CAPZB: variants seen among roughly 807,000 people sequenced by gnomAD.
CAPZB encodes the protein capping actin protein of muscle Z-line subunit beta, also known as F-actin-capping protein subunit beta.
CAPZB carries 2 observed loss-of-function variants against 38.1 expected under a neutral mutation model. The ratio of observed to expected loss-of-function variants is 0.05; its 90% CI spans 0.02 to 0.17. CAPZB has a LOEUF of 0.17. Ranked by LOEUF, CAPZB falls within the 10% of genes least tolerant of loss-of-function variation. The pLI is 1.00. For synonymous variants in CAPZB, 107 were observed against 127.4 expected, an observed-to-expected ratio of 0.84 and a Z score of 1.08; for missense variants, 161 against 334.2, an observed-to-expected ratio of 0.48 and a Z score of 4.04.
At chr1:19,385,067 C>G (rs974159930) in intron 3 of CAPZB, among the ~76,000 whole-genome samples, 2 of 152,168 alleles carry the variant, frequency 1.3e-5, no homozygotes, top group African/African-American at 4.8e-5. Flanking sequence ...AGTTGTGTAT[C>G]TGACAGAGCT....
chr1:19,350,454 G>A (rs1569896903), intron 6 of CAPZB, among the ~76,000 whole-genome samples: 1 of 152,264 alleles, frequency 6.6e-6, no homozygotes, highest in Non-Finnish European at 1.5e-5. Context: ...ACTGTGCTGT[G>A]GGTTGGAGGT....
At chr1:19,366,181 T>G (rs1041930959) in intron 4 of CAPZB, among the ~76,000 whole-genome samples, 2 of 148,956 alleles carry the variant, frequency 1.3e-5, no homozygotes, top group African/African-American at 5.0e-5. Context: ...GCATGGTGGC[T>G]CACGCCTATA....
At position 19,356,557 on chromosome 1, in the gene CAPZB, G is replaced by T; in HGVS notation, c.588+78C>A. 1.1e-6 allele frequency: 1 copy of T among 906,038 alleles called. No homozygotes were observed. The highest frequency in any genetic ancestry group is 1.9e-6 in the Non-Finnish European group (1 of 534,452). The allele number at this position is 906,038 out of a possible 1,614,324, so 56.1% of individuals were successfully genotyped here. A position where few individuals can be genotyped will look rare whatever the true frequency, so the allele number is the denominator to read the frequency against. ...CATGCTTACCCTAAATGGGGCACCT[G>T]CTCACTCATCTCTGCAGGTCAGCAC... On this transcript the variant is annotated intron_variant, in intron 6 of 8. Coordinates refer to ENST00000264202, the MANE Select transcript of CAPZB (RefSeq NM_004930.5). This position sits in a 1 kb window ranked among gnomAD's most constrained non-coding sequence, Gnocchi z 4.3.
At chr1:19,412,357 A>G (rs1022855648) in intron 2 of CAPZB, among the ~76,000 whole-genome samples, 8 of 152,190 alleles carry the variant, frequency 5.3e-5, no homozygotes, top group African/African-American at 1.9e-4. Flanking sequence ...CACCCTTAAC[A>G]TAAACCCACG....
chr1:19,457,098 T>C (rs371936008), intron 1 of CAPZB, among the ~76,000 whole-genome samples: 1 of 152,172 alleles, frequency 6.6e-6, no homozygotes, highest in East Asian at 1.9e-4. Flanking sequence ...CCAAGTCTTG[T>C]TGGAACTAAA....
intron 2 of CAPZB, among the ~76,000 whole-genome samples, chr1:19,396,204 C>A (rs1040301310): frequency 6.6e-6 from 1 of 152,190 alleles, no homozygotes; most frequent in Non-Finnish European, 1.5e-5. Context: ...GCTGTCTGGA[C>A]GGCCTCATGC....
chr1:19,422,065 T>C (rs2094403354), intron 1 of CAPZB, among the ~76,000 whole-genome samples: 1 of 151,888 alleles, frequency 6.6e-6, no homozygotes, highest in African/African-American at 2.4e-5. Flanking sequence ...CAAGCAAGAA[T>C]AGAAAACCCT....
intron 2 of CAPZB, among the ~76,000 whole-genome samples, chr1:19,412,873 G>A (rs1376336851): frequency 6.6e-6 from 1 of 152,194 alleles, no homozygotes; most frequent in African/African-American, 2.4e-5. Context: ...AAGCACAGCT[G>A]CCAGTTATCC....
chr1:19,369,795 C>T (rs2094110450), intron 4 of CAPZB, among the ~76,000 whole-genome samples: 1 of 152,222 alleles, frequency 6.6e-6, no homozygotes, highest in African/African-American at 2.4e-5. Flanking sequence ...CCTGCAGCTC[C>T]AGGATGTTCT....
chr1:19,470,122 G>A (rs1470879325), intron 1 of CAPZB, among the ~76,000 whole-genome samples: 2 of 152,180 alleles, frequency 1.3e-5, no homozygotes, highest in African/African-American at 2.4e-5. Context: ...GGGAGGCTGA[G>A]GCAAGAGGAC....
chr1:19,484,376 C>T, intron 1 of CAPZB: 1 of 1,538,758 alleles, frequency 6.5e-7, no homozygotes, highest in Non-Finnish European at 8.7e-7. Flanking sequence ...CTGTGGGCCA[C>T]CCATCCTCGC....
intron 1 of CAPZB, among the ~76,000 whole-genome samples, chr1:19,442,551 C>T (rs1242834604): frequency 6.6e-6 from 1 of 152,172 alleles, no homozygotes; most frequent in African/African-American, 2.4e-5. Flanking sequence ...TAGGCTCTTG[C>T]AAGCTTTAAG....
chr1:19,360,784 G>A (rs938420632), intron 4 of CAPZB, among the ~76,000 whole-genome samples: 1 of 152,198 alleles, frequency 6.6e-6, no homozygotes, highest in Non-Finnish European at 1.5e-5. Flanking sequence ...TCCTTGGCGG[G>A]CCACGGTGAC....
intron 1 of CAPZB, among the ~76,000 whole-genome samples, chr1:19,453,300 C>T (rs1289165578): frequency 6.6e-6 from 1 of 152,058 alleles, no homozygotes; most frequent in African/African-American, 2.4e-5. Context: ...CTCACTTTGT[C>T]GCCTAGGCTG....
chr1:19,344,059 G>A (rs1036667650), intron 8 of CAPZB, among the ~76,000 whole-genome samples: 5 of 152,202 alleles, frequency 3.3e-5, no homozygotes, highest in Admixed American at 6.5e-5. Context: ...ATTTTTGAGC[G>A]GGGACTGACA....
chr1:19,367,996 C>T (rs939896991), intron 4 of CAPZB, among the ~76,000 whole-genome samples: 2 of 152,116 alleles, frequency 1.3e-5, no homozygotes. Flanking sequence ...CCTCATGAGC[C>T]GTCAACAGTC....
At chr1:19,348,413 G>A (rs2093973750) in intron 6 of CAPZB, among the ~76,000 whole-genome samples, 1 of 152,176 alleles carries the variant, frequency 6.6e-6, no homozygotes, top group African/African-American at 2.4e-5. Context: ...AGCCTTGAAT[G>A]AGTTAGCATT....
chr1:19,437,671 T>A (rs1255220562), intron 1 of CAPZB, among the ~76,000 whole-genome samples: 1 of 152,090 alleles, frequency 6.6e-6, no homozygotes, highest in Non-Finnish European at 1.5e-5. Flanking sequence ...CCTTCTAGTA[T>A]TCCAAAGCTA....
chr1:19,464,732 A>C (rs902530863), intron 1 of CAPZB, among the ~76,000 whole-genome samples: 10 of 152,218 alleles, frequency 6.6e-5, no homozygotes, highest in Admixed American at 6.5e-5. Flanking sequence ...AAATATTAAT[A>C]CATGCAACAT....
Sources: gnomAD v4.1 joint callset for allele counts (sites outside exome capture counted in the v4.1 genomes callset) on GRCh38, gnomAD v4.1.1 for gene constraint, Gnocchi (gnomAD v3.1) non-coding constraint, MANE v1.5 for transcripts, NCBI Gene and HGNC (gene_info 2026-07-23, HGNC 2026-07-21) for gene names.